SNX30: variants seen among roughly 807,000 people sequenced by gnomAD.
The protein encoded by SNX30 is sorting nexin-30.
SNX30 carries 24 observed loss-of-function variants against 46.4 expected under a neutral mutation model. That is an observed-to-expected ratio of 0.52 (90% CI 0.37 to 0.73). The LOEUF is 0.73. SNX30 is among the 30% of genes least tolerant of loss of function. The pLI, the probability that SNX30 is intolerant of heterozygous loss-of-function variation, is 0.00. For synonymous variants in SNX30, 189 were observed against 211.5 expected (o/e 0.89, Z 0.92); for missense variants, 533 against 555.7 (o/e 0.96, Z 0.41).
intron 1 of SNX30, among the ~76,000 whole-genome samples, chr9:112,773,380 A>G (rs556207770): frequency 6.6e-6 from 1 of 152,270 alleles, no homozygotes; most frequent in African/African-American, 2.4e-5. Context: ...TATGGCTACA[A>G]AGAAGATTAT....
chr9:112,789,212 C>T lies in SNX30; in HGVS notation c.157-15564C>T, dbSNP rs145688439. On this transcript the variant is annotated intron_variant, in intron 1 of 8. Coordinates refer to ENST00000374232, the MANE Select transcript of SNX30 (RefSeq NM_001012994.2). ...TCTGTTGAGTCCTCCAGGTGGCATG[C>T]ACATCCTTGACCAGCAGCAGAGGAA... Among the ~76,000 whole-genome samples the T allele has an allele frequency of 1.1e-4, 16 of 152,276 alleles. No individual in the cohort carries two copies. In the East Asian group the frequency reaches 3.1e-3, roughly 29 times the overall value.
At chr9:112,835,076 A>G (rs992416999) in intron 4 of SNX30, among the ~76,000 whole-genome samples, 11 of 152,176 alleles carry the variant, frequency 7.2e-5, no homozygotes, top group Non-Finnish European at 1.6e-4. Flanking sequence ...TATCCTCTGC[A>G]TCAGGCCACG....
chr9:112,773,410 G>A (rs1357160702), intron 1 of SNX30, among the ~76,000 whole-genome samples: 1 of 151,362 alleles, frequency 6.6e-6, no homozygotes, highest in Non-Finnish European at 1.5e-5. Flanking sequence ...TTTTTTAAGA[G>A]ATAGGATCTC....
At chr9:112,796,603 G>T (rs145634318) in intron 1 of SNX30, among the ~76,000 whole-genome samples, 2 of 152,204 alleles carry the variant, frequency 1.3e-5, no homozygotes, top group Admixed American at 6.5e-5. Context: ...AGAAGCGGAG[G>T]GGGGAGGTCT....
chr9:112,837,887 C>CTTTTTTTT (rs10713538), intron 5 of SNX30, among the ~76,000 whole-genome samples: 2 of 71,174 alleles, frequency 2.8e-5, no homozygotes, highest in Non-Finnish European at 5.1e-5. Flanking sequence ...TGGTTCTTTT[C>CTTTTTTTT]TTTTTTTTTT....
chr9:112,835,705 T>C (rs1238243699), intron 4 of SNX30, among the ~76,000 whole-genome samples: 3 of 152,190 alleles, frequency 2.0e-5, no homozygotes, highest in Admixed American at 6.5e-5. Flanking sequence ...GGTTAAAATG[T>C]TTTGCTGTTT....
intron 1 of SNX30, among the ~76,000 whole-genome samples, chr9:112,788,386 G>A (rs1839964718): frequency 6.6e-6 from 1 of 152,236 alleles, no homozygotes; most frequent in Admixed American, 6.5e-5. Context: ...TACCATGTCA[G>A]ATGGTAGCAC....
At chr9:112,787,746 C>T (rs192466960) in intron 1 of SNX30, among the ~76,000 whole-genome samples, 4 of 151,310 alleles carry the variant, frequency 2.6e-5, no homozygotes, top group Admixed American at 2.0e-4. Flanking sequence ...TTCAGAGAGA[C>T]AGTCCCTATT....
At chr9:112,843,263 A>C (rs996186621) in intron 6 of SNX30, among the ~76,000 whole-genome samples, 1 of 152,212 alleles carries the variant, frequency 6.6e-6, no homozygotes, top group African/African-American at 2.4e-5. Flanking sequence ...ACAAATATAC[A>C]ATGATTGCAC....
chr9:112,758,964 C>T (rs992301549), intron 1 of SNX30, among the ~76,000 whole-genome samples: 2 of 152,012 alleles, frequency 1.3e-5, no homozygotes, highest in African/African-American at 2.4e-5. Context: ...CACGCGCGCA[C>T]GTGCACACAC....
intron 3 of SNX30, among the ~76,000 whole-genome samples, chr9:112,827,233 T>C (rs1346468030): frequency 1.3e-5 from 2 of 152,218 alleles, no homozygotes; most frequent in Non-Finnish European, 2.9e-5. Flanking sequence ...TGTGTGTGTT[T>C]ACCCTGTGGT....
At chr9:112,880,583 C>G (rs1841564332) in intron 5 of SNX30, 1 of 153,352 alleles carries the variant, frequency 6.5e-6, no homozygotes, top group Non-Finnish European at 1.5e-5. Flanking sequence ...AAGCCCATCC[C>G]CAACCTCCCT....
intron 2 of SNX30, among the ~76,000 whole-genome samples, chr9:112,807,361 C>T (rs564476141): frequency 7.9e-5 from 12 of 152,050 alleles, no homozygotes; most frequent in Non-Finnish European, 1.5e-4. Flanking sequence ...CCGCTGTGTC[C>T]GGCTGCTACC....
In SNX30 at chr9:112,832,735, T is replaced by A. The variant is rs1478283047; in HGVS notation, c.618+1852T>A. 4.7e-5 allele frequency among the ~76,000 whole-genome samples: 7 copies of A among 149,088 alleles called. No individual in the cohort carries two copies. In the South Asian group the frequency reaches 1.5e-3, roughly 31 times the overall value. On this transcript the variant is annotated intron_variant, in intron 4 of 8. Coordinates refer to ENST00000374232, the MANE Select transcript of SNX30 (RefSeq NM_001012994.2). ...GGCACATGTATACACATGTAACAAA[T>A]CTGCACGTTGTGCACATGTACCCTA... is the stretch of plus-strand genomic sequence containing the variant.
chr9:112,767,367 A>G (rs973830177), intron 1 of SNX30, among the ~76,000 whole-genome samples: 2 of 152,022 alleles, frequency 1.3e-5, no homozygotes, highest in African/African-American at 4.8e-5. Flanking sequence ...TTTTGCAAGC[A>G]TTTTCTCCCA....
intron 2 of SNX30, among the ~76,000 whole-genome samples, chr9:112,814,781 A>T (rs1330208264): frequency 6.6e-6 from 1 of 152,224 alleles, no homozygotes; most frequent in Non-Finnish European, 1.5e-5. Flanking sequence ...AAGTATATGT[A>T]CACTTTTGTC....
chr9:112,858,797 C>G (rs1448285033), intron 7 of SNX30, among the ~76,000 whole-genome samples: 1 of 152,160 alleles, frequency 6.6e-6, no homozygotes, highest in Non-Finnish European at 1.5e-5. Context: ...CTGTGCCCGC[C>G]TTTCTGCCTT....
chr9:112,775,355 A>T (rs951858418), intron 1 of SNX30, among the ~76,000 whole-genome samples: 1 of 150,016 alleles, frequency 6.7e-6, no homozygotes, highest in Non-Finnish European at 1.5e-5. Context: ...GGGTTTCTCC[A>T]TGTTGGTCAG....
chr9:112,764,083 G>A (rs1839490647), intron 1 of SNX30, among the ~76,000 whole-genome samples: 1 of 152,126 alleles, frequency 6.6e-6, no homozygotes, highest in South Asian at 2.1e-4. Flanking sequence ...TATGTATAGG[G>A]AATAAAGTAG....
Sources: gnomAD v4.1 joint callset for allele counts (sites outside exome capture counted in the v4.1 genomes callset) on GRCh38, gnomAD v4.1.1 for gene constraint, MANE v1.5 for transcripts, NCBI Gene and HGNC (gene_info 2026-07-23, HGNC 2026-07-21) for gene names.